LPP: variants seen among roughly 807,000 people sequenced by gnomAD.
LPP encodes the protein LIM domain containing preferred translocation partner in lipoma, also known as lipoma-preferred partner.
In LPP, 38 loss-of-function variants were observed where a neutral mutation model predicts 60.4. The ratio of observed to expected loss-of-function variants is 0.63; its 90% CI spans 0.49 to 0.83. The LOEUF (loss-of-function observed/expected upper bound fraction) is 0.83. Ranked by LOEUF, LPP falls within the 40% of genes least tolerant of loss-of-function variation. The probability of loss-of-function intolerance (pLI) is 0.00; values close to 1 mark genes in which losing one functional copy is unlikely to be tolerated. For missense variants in LPP, 902 were observed against 783.6 expected, an observed-to-expected ratio of 1.15 and a Z score of -1.80; for synonymous variants, 328 against 290.8, an observed-to-expected ratio of 1.13 and a Z score of -1.30.
Position 188,196,483 on chromosome 3 carries a change from C to G in LPP, c.-189-28922C>G, listed in dbSNP as rs75356107. Among the ~76,000 whole-genome samples, 1,375 of 152,270 alleles carry G rather than the reference C, an allele frequency of 9.0e-3. 9 individuals are homozygous for G. The highest frequency in any genetic ancestry group is 0.03 in the South Asian group (146 of 4,826). On this transcript the variant is annotated intron_variant, in intron 1 of 11. Transcript: ENST00000617246. ...ACGGTAACACGTCCTGCCCACTTCCCTCCTCCCTCTACCTTTGGAGCCTGT... is the reference window on the plus strand; with the variant it reads ...ACGGTAACACGTCCTGCCCACTTCCGTCCTCCCTCTACCTTTGGAGCCTGT...
intron 1 of LPP, among the ~76,000 whole-genome samples, chr3:188,161,477 A>G (rs1446547900): frequency 6.6e-6 from 1 of 152,190 alleles, no homozygotes; most frequent in Non-Finnish European, 1.5e-5. Context: ...AATGTACACC[A>G]AAGTTTGTAG....
At chr3:188,475,669 G>A (rs1432014655) in intron 4 of LPP, among the ~76,000 whole-genome samples, 6 of 152,146 alleles carry the variant, frequency 3.9e-5, no homozygotes, top group African/African-American at 1.2e-4. Flanking sequence ...TTGGGAGGCC[G>A]AGGCGGGCGG....
chr3:188,191,207 G>T (rs1181170036), intron 1 of LPP, among the ~76,000 whole-genome samples: 1 of 152,220 alleles, frequency 6.6e-6, no homozygotes, highest in Non-Finnish European at 1.5e-5. Context: ...TCTAGCCTGG[G>T]CGACAGAGCA....
intron 7 of LPP, among the ~76,000 whole-genome samples, chr3:188,629,258 AT>A (rs749418603): frequency 5.3e-5 from 8 of 151,980 alleles, no homozygotes; most frequent in Non-Finnish European, 1.2e-4. Context: ...AGAGCTCCAA[AT>A]AGAAAGAGAG....
chr3:188,669,571 A>G (rs1350277861), intron 7 of LPP, among the ~76,000 whole-genome samples: 2 of 152,092 alleles, frequency 1.3e-5, no homozygotes, highest in Non-Finnish European at 2.9e-5. Context: ...GCAAGACTCC[A>G]TCTCAAAAAA....
At chr3:188,255,187 A>G (rs1232647974) in intron 2 of LPP, among the ~76,000 whole-genome samples, 1 of 152,220 alleles carries the variant, frequency 6.6e-6, no homozygotes, top group African/African-American at 2.4e-5. Context: ...CAGAGAAGGT[A>G]CTGAGAATAC....
rs79405708 is a variant in LPP, at chr3:188,574,001, C to A, written c.430-35160C>A. On this transcript the variant is annotated intron_variant, in intron 6 of 11. Transcript: ENST00000617246. The stretch of plus-strand genomic sequence containing the variant: ...TTATTACCTTTCTCCGTAGCTCCAA[C>A]TGTAATCTTGCCTGCTATTGAGGTA... Among the ~76,000 whole-genome samples the A allele has an allele frequency of 4.6e-3, 700 of 152,250 alleles. 8 individuals carry two copies. The highest frequency in any genetic ancestry group is 0.016 in the African/African-American group (676 of 41,550).
At chr3:188,346,020 G>T (rs1049386924) in intron 3 of LPP, among the ~76,000 whole-genome samples, 1 of 152,078 alleles carries the variant, frequency 6.6e-6, no homozygotes, top group East Asian at 1.9e-4. Flanking sequence ...GGAACCCTCT[G>T]ATTTTCATGA....
At chr3:188,487,738 A>G (rs1807002427) in intron 5 of LPP, among the ~76,000 whole-genome samples, 1 of 152,226 alleles carries the variant, frequency 6.6e-6, no homozygotes, top group Non-Finnish European at 1.5e-5. Flanking sequence ...AGCCTAAAGT[A>G]GCATGATCAC....
chr3:188,475,892 A>G (rs1168332197), intron 4 of LPP, among the ~76,000 whole-genome samples: 4 of 152,088 alleles, frequency 2.6e-5, no homozygotes, highest in Admixed American at 2.0e-4. Context: ...GACAGAGCAA[A>G]ACTCTGTCTC....
At chr3:188,250,187 C>T (rs1197628173) in intron 2 of LPP, among the ~76,000 whole-genome samples, 1 of 152,102 alleles carries the variant, frequency 6.6e-6, no homozygotes, top group Non-Finnish European at 1.5e-5. Context: ...TGTCAAGTCT[C>T]TTTAGTCTCC....
chr3:188,271,558 A>G (rs764566444), intron 2 of LPP, among the ~76,000 whole-genome samples: 5 of 152,194 alleles, frequency 3.3e-5, no homozygotes, highest in Non-Finnish European at 5.9e-5. Flanking sequence ...TAGAATTGTA[A>G]AACTCTGGCC....
At position 188,708,392 on chromosome 3, in the gene LPP, T is replaced by C. The variant is rs1450891521; in HGVS notation, c.1239T>C (p.Phe413=). 1 of 1,614,206 alleles carries C rather than the reference T, an allele frequency of 6.2e-7. No homozygotes were observed. The highest frequency in any genetic ancestry group is 1.3e-5 in the African/African-American group (1 of 75,056). ...DMENPPADEY[F]GRCARCGENV... is the part of the protein sequence containing the mutation. ...AAAATCCACCTGCTGACGAATACTT[T>C]GGTGAGTGGGGCCTAGAGCTGACTT... The change falls in exon 8 of 12, where the codon TTT becomes TTC. Residue 413 remains phenylalanine, a splice_region_variant and synonymous_variant. Transcript: ENST00000617246.
intron 8 of LPP, among the ~76,000 whole-genome samples, chr3:188,755,857 A>G: frequency 8.9e-6 from 1 of 112,496 alleles, no homozygotes; most frequent in African/African-American, 3.4e-5. Flanking sequence ...AAAAAAAAAA[A>G]AAAAAAAACA....
intron 9 of LPP, among the ~76,000 whole-genome samples, chr3:188,761,878 G>A (rs745799421): frequency 1.4e-4 from 22 of 152,196 alleles, no homozygotes; most frequent in Middle Eastern, 3.4e-3. Context: ...AGACTAAACC[G>A]GGTGTCATTC....
intron 2 of LPP, among the ~76,000 whole-genome samples, chr3:188,287,509 G>A (rs545770845): frequency 1.6e-4 from 24 of 152,318 alleles, no homozygotes; most frequent in African/African-American, 5.8e-4. Context: ...AGAGAAGCCA[G>A]ATGGTTTGAC....
intron 7 of LPP, among the ~76,000 whole-genome samples, chr3:188,641,703 C>T (rs1160406296): frequency 2.6e-5 from 4 of 152,260 alleles, no homozygotes; most frequent in Middle Eastern, 3.4e-3. Context: ...AATCCAGAAG[C>T]GTAACTATTA....
intron 8 of LPP, chr3:188,746,358 A>G: frequency 4.6e-6 from 2 of 431,608 alleles, no homozygotes; most frequent in Non-Finnish European, 4.7e-6. Flanking sequence ...GGGCAGAAAA[A>G]CACGCTGAAT....
At chr3:188,255,398 G>T (rs990255185) in intron 2 of LPP, among the ~76,000 whole-genome samples, 2 of 152,168 alleles carry the variant, frequency 1.3e-5, no homozygotes, top group African/African-American at 4.8e-5. Context: ...CATGAAATTG[G>T]TGCTTTTCCT....
Sources: allele counts gnomAD v4.1 joint callset (sites outside exome capture counted in the v4.1 genomes callset), GRCh38; gene constraint gnomAD v4.1.1; transcripts MANE v1.5; gene names NCBI Gene and HGNC (gene_info 2026-07-23, HGNC 2026-07-21).